The following DTD1 variants were observed in gnomAD, a reference collection of about 807,000 sequenced individuals.
DTD1 encodes D-tyrosyl-tRNA deacylase 1 homolog.
A neutral mutation model predicts 25.6 loss-of-function variants in DTD1; 13 were observed. The observed-to-expected ratio is 0.51, with a 90% CI of 0.33 to 0.81. The LOEUF (loss-of-function observed/expected upper bound fraction) is 0.81. Among genes scored for constraint, DTD1 ranks in the 30% least tolerant of loss-of-function variants. The pLI is 0.02. For missense variants in DTD1, 193 were observed against 266.4 expected, an observed-to-expected ratio of 0.72 and a Z score of 1.92; for synonymous variants, 110 against 103.6, an observed-to-expected ratio of 1.06 and a Z score of -0.37.
chr20:18,688,988 G>A (rs906280173), intron 4 of DTD1, among the ~76,000 whole-genome samples: 3 of 152,196 alleles, frequency 2.0e-5, no homozygotes, highest in Non-Finnish European at 2.9e-5. Flanking sequence ...AAGCATTGCA[G>A]AATATGATGG....
chr20:18,658,658 G>C (rs1266335900), intron 4 of DTD1, among the ~76,000 whole-genome samples: 2 of 152,196 alleles, frequency 1.3e-5, no homozygotes, highest in African/African-American at 4.8e-5. Context: ...TGGTTAGTAA[G>C]TTGTAGGAAG....
At position 18,605,923 on chromosome 20, in the gene DTD1, A is replaced by G. The variant is rs2060655092; in HGVS notation, c.370+9682A>G. ...AATGGCAACAAAAGACAAAATTGACAAATGGGATCTAATTAAACTAAAGTG... is the reference window on the plus strand; with the variant it reads ...AATGGCAACAAAAGACAAAATTGACGAATGGGATCTAATTAAACTAAAGTG... On this transcript the variant is annotated intron_variant, in intron 3 of 5. Transcript: ENST00000377452. Among the ~76,000 whole-genome samples, 5 of 150,446 alleles carry G rather than the reference A, an allele frequency of 3.3e-5. No individual in the cohort carries two copies. The Admixed American group carries it at 3.3e-4, about 10-fold the overall frequency.
intron 5 of DTD1, among the ~76,000 whole-genome samples, chr20:18,751,188 T>C (rs1001556858): frequency 3.3e-5 from 5 of 152,204 alleles, no homozygotes; most frequent in African/African-American, 1.2e-4. Context: ...TTTGCTTCCC[T>C]GTATCAACAT....
At chr20:18,589,240 A>T (rs1316906946) in intron 1 of DTD1, among the ~76,000 whole-genome samples, 2 of 117,658 alleles carry the variant, frequency 1.7e-5, no homozygotes, top group East Asian at 5.0e-4. Context: ...AATCCCAGCT[A>T]CTCGGGAGGC....
intron 2 of DTD1, among the ~76,000 whole-genome samples, chr20:18,594,200 A>G (rs1249086019): frequency 3.3e-5 from 5 of 152,182 alleles, no homozygotes; most frequent in Non-Finnish European, 7.3e-5. Flanking sequence ...CTGTGCACAT[A>G]GGGATCTAGA....
At chr20:18,658,189 ATGTGTGTGTGTGTGTG>A (rs60197503) in intron 4 of DTD1, among the ~76,000 whole-genome samples, 9 of 146,140 alleles carry the variant, frequency 6.2e-5, no homozygotes, top group African/African-American at 1.5e-4. Flanking sequence ...AGAGTCTGAG[ATGTGTGTGTGTGTGTG>A]TGTGTGTGTG....
At chr20:18,607,451 G>T (rs1281308302) in intron 3 of DTD1, among the ~76,000 whole-genome samples, 5 of 151,974 alleles carry the variant, frequency 3.3e-5, no homozygotes, top group African/African-American at 4.8e-5. Context: ...GAGCCACTGC[G>T]CCCGGCTCTT....
At chr20:18,598,036 T>C (rs983548943) in intron 3 of DTD1, among the ~76,000 whole-genome samples, 1 of 152,220 alleles carries the variant, frequency 6.6e-6, no homozygotes, top group African/African-American at 2.4e-5. Flanking sequence ...CTGGGGTACA[T>C]GTGCAGAACG....
At chr20:18,625,036 C>G (rs995835579) in intron 3 of DTD1, among the ~76,000 whole-genome samples, 1 of 152,194 alleles carries the variant, frequency 6.6e-6, no homozygotes, top group African/African-American at 2.4e-5. Flanking sequence ...CTACAAAGTT[C>G]CAGGCTTGAG....
intron 4 of DTD1, among the ~76,000 whole-genome samples, chr20:18,634,879 G>A (rs537993595): frequency 7.0e-4 from 106 of 152,324 alleles, no homozygotes; most frequent in African/African-American, 2.4e-3. Context: ...CCCATCACAG[G>A]TGCACAGAGG....
rs2061204953 is a variant in DTD1 at position 18,721,875 on chromosome 20, G to T, written c.478-22225G>T. ...TCCTTCAGCTCCAGCCCTGCGCTCT[G>T]TCCTGGAAGAGGACAGGTGGCTGGG... On this transcript the variant is annotated intron_variant, in intron 4 of 5. Transcript: ENST00000377452. Among the ~76,000 whole-genome samples the T allele has an allele frequency of 2.7e-5, 4 of 148,996 alleles. No individual in the cohort carries two copies. The South Asian group carries it at 8.7e-4, about 32-fold the overall frequency.
intron 3 of DTD1, chr20:18,610,914 A>AGCGTGGGACTGTATGTCCTCCCCTTG (rs780695761): frequency 6.6e-6 from 1 of 151,664 alleles, no homozygotes; most frequent in Non-Finnish European, 1.5e-5. Flanking sequence ...CCTGTCTCAA[A>AGCGTGGGACTGTATGTCCTCCCCTTG]ACAAAACAAA....
intron 4 of DTD1, among the ~76,000 whole-genome samples, chr20:18,724,016 GAC>G (rs1490486217): frequency 2.6e-5 from 4 of 152,180 alleles, no homozygotes; most frequent in Non-Finnish European, 5.9e-5. Context: ...ATTGCGTGGA[GAC>G]ACACAGCAAT....
intron 3 of DTD1, among the ~76,000 whole-genome samples, chr20:18,617,436 C>T (rs1296644137): frequency 2.0e-5 from 3 of 151,516 alleles, no homozygotes; most frequent in Non-Finnish European, 4.4e-5. Context: ...GGGTTTACTT[C>T]TGGACTCACA....
chr20:18,690,971 G>A (rs1568670371), intron 4 of DTD1, among the ~76,000 whole-genome samples: 1 of 152,164 alleles, frequency 6.6e-6, no homozygotes, highest in East Asian at 1.9e-4. Flanking sequence ...AACAGACACT[G>A]CTCAAAAGAA....
intron 4 of DTD1, among the ~76,000 whole-genome samples, chr20:18,730,266 T>A (rs1475999658): frequency 1.3e-5 from 2 of 152,182 alleles, no homozygotes; most frequent in African/African-American, 4.8e-5. Context: ...GCAGTGAACA[T>A]CCTTTTGCAT....
chr20:18,628,478 G>C (rs1600329770), intron 4 of DTD1, among the ~76,000 whole-genome samples: 1 of 152,208 alleles, frequency 6.6e-6, no homozygotes, highest in South Asian at 2.1e-4. Context: ...TGCAGAGCCA[G>C]GTTCTTCCCC....
intron 4 of DTD1, among the ~76,000 whole-genome samples, chr20:18,742,317 CTGTATTCTACAGCTTT>C (rs2061281400): frequency 6.6e-6 from 1 of 152,152 alleles, no homozygotes; most frequent in South Asian, 2.1e-4. Context: ...CCAAACTTAG[CTGTATTCTACAGCTTT>C]TCAGGTAAAT....
chr20:18,676,405 A>T (rs1164899559), intron 4 of DTD1, among the ~76,000 whole-genome samples: 1 of 152,152 alleles, frequency 6.6e-6, no homozygotes, highest in East Asian at 1.9e-4. Context: ...TTTTTAAAAA[A>T]GTCAGCTATT....
Sources: allele counts gnomAD v4.1 joint callset (sites outside exome capture counted in the v4.1 genomes callset), GRCh38; gene constraint gnomAD v4.1.1; transcripts MANE v1.5; gene names NCBI Gene and HGNC (gene_info 2026-07-23, HGNC 2026-07-21).